FBXL5: variants seen among roughly 807,000 people sequenced by gnomAD.
The protein encoded by FBXL5 is F-box/LRR-repeat protein 5.
In FBXL5, 26 loss-of-function variants were observed where a neutral mutation model predicts 78.3. That is an observed-to-expected ratio of 0.33 (90% CI 0.24 to 0.46). The LOEUF (loss-of-function observed/expected upper bound fraction) is 0.46, where lower values mean the gene tolerates loss of function less well. FBXL5 is among the 20% of genes least tolerant of loss of function. The pLI is 1.00. For synonymous variants in FBXL5, 295 were observed against 282.5 expected (o/e 1.04, Z -0.45); for missense variants, 710 against 829.2 (o/e 0.86, Z 1.77).
chr4:15,650,727 G>A (rs1311813752), intron 1 of FBXL5, among the ~76,000 whole-genome samples: 4 of 121,788 alleles, frequency 3.3e-5, no homozygotes, highest in East Asian at 2.6e-4. Flanking sequence ...GAGTGCAATC[G>A]CCAATTCCAG....
At chr4:15,676,695 G>C (rs999217371) in intron 1 of FBXL5, among the ~76,000 whole-genome samples, 14 of 152,020 alleles carry the variant, frequency 9.2e-5, no homozygotes, top group African/African-American at 2.4e-4. Context: ...AGTATTACGG[G>C]GGGGAGGGGG....
chr4:15,665,283 T>TA (rs906198989), intron 1 of FBXL5, among the ~76,000 whole-genome samples: 1 of 152,132 alleles, frequency 6.6e-6, no homozygotes, highest in African/African-American at 2.4e-5. Context: ...CATATTTACT[T>TA]AGAGCCCCCT....
At chr4:15,670,585 T>C (rs1175345832) in intron 1 of FBXL5, among the ~76,000 whole-genome samples, 3 of 152,204 alleles carry the variant, frequency 2.0e-5, no homozygotes, top group African/African-American at 2.4e-5. Context: ...GATGCATATA[T>C]AGCCAGTGGT....
At chr4:15,636,765 G>A in intron 4 of FBXL5, 89 bp from the exon 5 acceptor site, 1 of 923,436 alleles carries the variant, frequency 1.1e-6, no homozygotes, top group East Asian at 2.5e-5. Context: ...ACAAAATCCA[G>A]TGCCTGAAGT....
intron 5 of FBXL5, among the ~76,000 whole-genome samples, chr4:15,635,310 G>A (rs896648657): frequency 2.0e-5 from 3 of 149,942 alleles, no homozygotes; most frequent in African/African-American, 7.4e-5. Context: ...TACAGCCTAG[G>A]TGAGAGTAAA....
chr4:15,646,367 G>A (rs1314116296), intron 1 of FBXL5, among the ~76,000 whole-genome samples: 7 of 87,356 alleles, frequency 8.0e-5, no homozygotes, highest in African/African-American at 2.8e-4. Context: ...ACATATTATA[G>A]ATTTTTTTTT....
chr4:15,665,953 C>T (rs1281401823), intron 1 of FBXL5, among the ~76,000 whole-genome samples: 1 of 152,020 alleles, frequency 6.6e-6, no homozygotes, highest in East Asian at 1.9e-4. Context: ...CAAGAGGAAG[C>T]TGAATCACTT....
chr4:15,655,359 G>C (rs1347909479), upstream of FBXL5: 2 of 1,181,602 alleles, frequency 1.7e-6, no homozygotes, highest in Non-Finnish European at 2.1e-6. Context: ...CCGCGGGGCA[G>C]AGGCGGCGCG....
upstream of FBXL5, among the ~76,000 whole-genome samples, chr4:15,657,756 C>T (rs892407499): frequency 6.6e-6 from 1 of 152,204 alleles, no homozygotes; most frequent in African/African-American, 2.4e-5. Flanking sequence ...AAATGACTGA[C>T]TTTACTGAAC....
chr4:15,615,098 C>G (rs1711660453), intron 9 of FBXL5, among the ~76,000 whole-genome samples: 1 of 152,148 alleles, frequency 6.6e-6, no homozygotes, highest in African/African-American at 2.4e-5. Flanking sequence ...CCCAGCAGTG[C>G]CAGCCCACCG....
chr4:15,674,204 G>GTT (rs35166916), intron 1 of FBXL5, among the ~76,000 whole-genome samples: 271 of 140,228 alleles, frequency 1.9e-3, no homozygotes, highest in Non-Finnish European at 2.8e-3. Context: ...AATGCATCGT[G>GTT]TTTTTTTTTT....
upstream of FBXL5, among the ~76,000 whole-genome samples, chr4:15,664,548 T>A (rs945340345): frequency 1.2e-4 from 15 of 127,628 alleles, no homozygotes; most frequent in Non-Finnish European, 2.3e-4. Flanking sequence ...TGGGCCCTCA[T>A]CCTTTTTTTT....
intron 9 of FBXL5, among the ~76,000 whole-genome samples, chr4:15,615,475 C>G (rs1711730018): frequency 6.7e-6 from 1 of 150,362 alleles, no homozygotes; most frequent in African/African-American, 2.5e-5. Context: ...TGTGAGTGCA[C>G]CAGTCGACAC....
Position 15,626,904 on chromosome 4 carries a change from G to C in FBXL5, c.1093C>G (p.Gln365Glu). ...CPNLEHLDLT[Q>E]TDISDSAFDS... ...AATGCAGAATCTGAAATGTCAGTCT[G>C]GGTAAGATCCAGATGCTCCAGGTTA... Residue 365 changes from glutamine to glutamate, a missense_variant, in exon 8 of 11, where the codon CAG (glutamine) becomes GAG (glutamate). Around this residue, in one of 4 missense-constraint regions of FBXL5, gnomAD observed 517 missense variants for 542.9 expected, o/e 0.95. Coordinates refer to ENST00000341285, the MANE Select transcript of FBXL5 (RefSeq NM_012161.4). 1.9e-6 allele frequency: 3 copies of C among 1,611,780 alleles called. No homozygotes were observed. The highest frequency in any genetic ancestry group is 2.5e-6 in the Non-Finnish European group (3 of 1,178,882).
At chr4:15,651,997 AT>A (rs768162682) in intron 1 of FBXL5, among the ~76,000 whole-genome samples, 1 of 152,184 alleles carries the variant, frequency 6.6e-6, no homozygotes, top group Non-Finnish European at 1.5e-5. Context: ...CATAGATGTT[AT>A]TACATACTGG....
At position 15,655,242 on chromosome 4, in the gene FBXL5, A is replaced by T; in HGVS notation, c.46T>A (p.Trp16Arg). The T allele has an allele frequency of 6.9e-7, 1 of 1,440,300 alleles. No homozygotes were observed. Among genetic ancestry groups the T allele is most frequent in the Non-Finnish European group, 9.3e-7 (1 of 1,077,040 alleles). 89.2% of individuals were successfully genotyped at this position (1,440,300 alleles called of 1,614,324 possible). Residue 16 changes from tryptophan to arginine, a missense_variant, in exon 1 of 11, where the codon TGG becomes AGG. By Grantham distance (101) the Trp-to-Arg change is moderately radical. This residue lies in a region of FBXL5 where 132 missense variants were observed against 156.9 expected (regional missense o/e 0.84). Transcript: ENST00000341285. ...EEVDVFTAPH[W>R]RMKQLVGLYC... The stretch of plus-strand genomic sequence containing the variant: ...AGCCCCACCAGCTGCTTCATCCGCC[A>T]GTGTGGGGCGGTGAAGACGTCCACT...
At chr4:15,667,766 G>A (rs2148796365) in intron 1 of FBXL5, among the ~76,000 whole-genome samples, 1 of 152,238 alleles carries the variant, frequency 6.6e-6, no homozygotes, top group East Asian at 1.9e-4. Flanking sequence ...GGTATAAGAT[G>A]GTCAATTTAT....
intron 2 of FBXL5, among the ~76,000 whole-genome samples, chr4:15,642,425 G>A (rs1362401266): frequency 6.6e-6 from 1 of 151,824 alleles, no homozygotes; most frequent in East Asian, 1.9e-4. Context: ...TAGTAGAGAT[G>A]GGGTTTCACC....
At chr4:15,670,830 C>T (rs1173802465) in intron 1 of FBXL5, among the ~76,000 whole-genome samples, 3 of 150,802 alleles carry the variant, frequency 2.0e-5, no homozygotes, top group East Asian at 1.9e-4. Context: ...TCTGGTACAA[C>T]GGATCTACTG....
Sources: allele counts gnomAD v4.1 joint callset (sites outside exome capture counted in the v4.1 genomes callset), GRCh38; gene constraint gnomAD v4.1.1; regional missense constraint gnomAD v4.1.1; transcripts MANE v1.5; gene names NCBI Gene and HGNC (gene_info 2026-07-23, HGNC 2026-07-21).